The following KLKB1 variants were observed in gnomAD, a reference collection of about 807,000 sequenced individuals.
KLKB1 encodes plasma kallikrein.
In KLKB1, 58 loss-of-function variants were observed where a neutral mutation model predicts 73.6. The observed-to-expected ratio is 0.79, with a 90% CI of 0.64 to 0.98. The LOEUF (loss-of-function observed/expected upper bound fraction) is 0.98. Ranked by LOEUF, KLKB1 falls within the 50% of genes least tolerant of loss-of-function variation. KLKB1 has a pLI of 0.00. For missense variants in KLKB1, 737 were observed against 763.8 expected, an observed-to-expected ratio of 0.96 and a Z score of 0.41; for synonymous variants, 280 against 258.1, an observed-to-expected ratio of 1.08 and a Z score of -0.81.
chr4:186,226,814 C>A (rs1260017284), upstream of KLKB1, among the ~76,000 whole-genome samples: 3 of 152,078 alleles, frequency 2.0e-5, no homozygotes, highest in Non-Finnish European at 2.9e-5. Context: ...GGATTCTAGG[C>A]CCATGGGTGC....
At chr4:186,245,585 G>A (rs558912941) in intron 6 of KLKB1, among the ~76,000 whole-genome samples, 3 of 152,300 alleles carry the variant, frequency 2.0e-5, no homozygotes, top group East Asian at 1.9e-4. Context: ...AGATCCTGAT[G>A]GAGGAGGTCC....
chr4:186,256,909 G>A (rs969544460), intron 13 of KLKB1, among the ~76,000 whole-genome samples: 1 of 152,058 alleles, frequency 6.6e-6, no homozygotes, highest in Non-Finnish European at 1.5e-5. Flanking sequence ...TCAGCCCAGG[G>A]TGCTGGGCTT....
chr4:186,225,433 T>C (rs1737134063), upstream of KLKB1, among the ~76,000 whole-genome samples: 1 of 143,672 alleles, frequency 7.0e-6, no homozygotes, highest in South Asian at 2.2e-4. Context: ...CTTTTTTTTT[T>C]TTTTTTTTTT....
intron 6 of KLKB1, among the ~76,000 whole-genome samples, chr4:186,243,427 G>C (rs572339551): frequency 6.6e-6 from 1 of 152,258 alleles, no homozygotes; most frequent in East Asian, 1.9e-4. Context: ...TGGGGGAGTA[G>C]ATGGGAGTGA....
chr4:186,227,264 T>A (rs1159304782), upstream of KLKB1: 3 of 152,212 alleles, frequency 2.0e-5, no homozygotes, highest in East Asian at 5.8e-4. Context: ...TTAGCTCTAG[T>A]GAAGTTATTT....
chr4:186,226,714 G>C (rs1219413737), upstream of KLKB1, among the ~76,000 whole-genome samples: 1 of 152,178 alleles, frequency 6.6e-6, no homozygotes, highest in Non-Finnish European at 1.5e-5. Context: ...AGGTCCACTG[G>C]GGTGAGCCCA....
intron 11 of KLKB1, among the ~76,000 whole-genome samples, chr4:186,253,954 G>A (rs1177541696): frequency 6.6e-6 from 1 of 152,026 alleles, no homozygotes; most frequent in Non-Finnish European, 1.5e-5. Flanking sequence ...TCCTGCCTCA[G>A]CCTCCTGAGT....
chr4:186,249,136 G>A (rs1738537095), intron 6 of KLKB1, among the ~76,000 whole-genome samples: 1 of 152,078 alleles, frequency 6.6e-6, no homozygotes, highest in African/African-American at 2.4e-5. Flanking sequence ...TCACTTTACT[G>A]ATGGTGTTCT....
At chr4:186,216,357 G>A (rs904995169) in intron 2 of KLKB1, among the ~76,000 whole-genome samples, 3 of 152,184 alleles carry the variant, frequency 2.0e-5, no homozygotes, top group African/African-American at 7.2e-5. Context: ...ACAGACAGTG[G>A]GCGTCTGAAA....
rs766860386 is a variant in KLKB1, at chr4:186,252,017, T to C, written c.1145T>C (p.Val382Ala). Residue 382 changes from valine to alanine, a missense_variant and splice_region_variant, in exon 11 of 15, where the codon GTC (valine) becomes GCC (alanine). Val to Ala is a moderately conservative substitution (Grantham distance 64). Coordinates refer to ENST00000264690, the MANE Select transcript of KLKB1 (RefSeq NM_000892.5). ...LRLCNTGDNS[V>A]CTTKTSTRIV... Reference sequence around the variant, plus strand: ...ATTAGCGTCAACGCTCTCTTTTCAGTCTGCACAACAAAAACAAGCACACGC... The same window carrying C: ...ATTAGCGTCAACGCTCTCTTTTCAGCCTGCACAACAAAAACAAGCACACGC... 1 of 1,614,218 alleles carries C rather than the reference T, an allele frequency of 6.2e-7. No individual in the cohort carries two copies.
chr4:186,225,117 A>G (rs1038900573), upstream of KLKB1, among the ~76,000 whole-genome samples: 5 of 152,124 alleles, frequency 3.3e-5, no homozygotes, highest in African/African-American at 1.2e-4. Context: ...GAGTCAGTTA[A>G]ACCTCTTTTG....
At chr4:186,256,999 CTG>C (rs921403950) in intron 13 of KLKB1, among the ~76,000 whole-genome samples, 22 of 56,998 alleles carry the variant, frequency 3.9e-4, no homozygotes, top group East Asian at 2.4e-3. Flanking sequence ...CTCTCTCTCT[CTG>C]TGTGTGTGTG....
intron 6 of KLKB1, among the ~76,000 whole-genome samples, chr4:186,240,839 G>A (rs1737999997): frequency 6.6e-6 from 1 of 152,118 alleles, no homozygotes; most frequent in Non-Finnish European, 1.5e-5. Context: ...CCAGGAGGCA[G>A]GACTCGATGC....
chr4:186,218,654 GCA>G (rs1215827664), intron 2 of KLKB1, among the ~76,000 whole-genome samples: 3 of 101,654 alleles, frequency 3.0e-5, no homozygotes, highest in Non-Finnish European at 5.8e-5. Flanking sequence ...GTGTGTGTGC[GCA>G]TGTGTGTGTG....
chr4:186,257,160 T>C, intron 13 of KLKB1, 66 bp from the exon 14 acceptor site: 1 of 799,094 alleles, frequency 1.3e-6, no homozygotes, highest in South Asian at 2.2e-5. Flanking sequence ...ATTCCCAATA[T>C]TATTATTTAT....
chr4:186,247,727 G>A (rs1456042957), intron 6 of KLKB1, among the ~76,000 whole-genome samples: 2 of 152,184 alleles, frequency 1.3e-5, no homozygotes, highest in Non-Finnish European at 2.9e-5. Flanking sequence ...TAATTCTTAT[G>A]TATATAAATA....
At chr4:186,254,482 C>T (rs76981962) in intron 11 of KLKB1, 106 bp from the exon 12 acceptor site, 128 of 950,488 alleles carry the variant, frequency 1.3e-4, no homozygotes, top group Non-Finnish European at 2.1e-4. Flanking sequence ...AAAATGTGTC[C>T]TATGTATTTC....
At chr4:186,225,857 C>T (rs2076727102), upstream of KLKB1, among the ~76,000 whole-genome samples, 1 of 152,038 alleles carries the variant, frequency 6.6e-6, no homozygotes, top group Non-Finnish European at 1.5e-5. Context: ...TAAGTTTCTG[C>T]AACTTTCTCT....
chr4:186,220,080 C>T (rs919047305), intron 2 of KLKB1, among the ~76,000 whole-genome samples: 1 of 151,910 alleles, frequency 6.6e-6, no homozygotes, highest in Non-Finnish European at 1.5e-5. Flanking sequence ...ATTTTTCCCT[C>T]TGAAACTAAC....
Sources: allele counts gnomAD v4.1 joint callset (sites outside exome capture counted in the v4.1 genomes callset), GRCh38; gene constraint gnomAD v4.1.1; transcripts MANE v1.5; gene names NCBI Gene and HGNC (gene_info 2026-07-23, HGNC 2026-07-21).